Variants in SMIM12 observed in about 807,000 individuals in gnomAD.
SMIM12 encodes small integral membrane protein 12.
Under a neutral mutation model 6.3 loss-of-function variants are expected in SMIM12, and 5 were observed. The observed-to-expected ratio is 0.80, with a 90% CI of 0.42 to 1.68. The LOEUF (loss-of-function observed/expected upper bound fraction) is 1.68, where lower values mean the gene tolerates loss of function less well. Ranked by LOEUF, SMIM12 falls within the 40% of genes most tolerant of loss-of-function variation. The pLI is 0.02. For synonymous variants in SMIM12, 51 were observed against 48.0 expected (o/e 1.06, Z -0.26); for missense variants, 103 against 121.4 (o/e 0.85, Z 0.71).
chr1:34,858,623 T>C (rs1638725274), intron 1 of SMIM12: 1 of 152,198 alleles, frequency 6.6e-6, no homozygotes, highest in Admixed American at 6.5e-5. Context: ...AAGTCCTCTG[T>C]ATAAGTAAAT....
intron 1 of SMIM12, 100 bp from the exon 2 acceptor site, chr1:34,856,082 A>ATT (rs1638644896): frequency 8.6e-7 from 1 of 1,167,568 alleles, no homozygotes; most frequent in Non-Finnish European, 1.1e-6. Flanking sequence ...AGCCTGGCAC[A>ATT]ATTTTTTTTT....
At chr1:34,858,373 G>A (rs1638717355) in intron 1 of SMIM12, 1 of 152,202 alleles carries the variant, frequency 6.6e-6, no homozygotes, top group Non-Finnish European at 1.5e-5. Context: ...ACTCTTTCTA[G>A]TGGGAAGAAC....
rs1343860916 is a variant in SMIM12 at position 34,855,808 on chromosome 1, T to C, written c.170A>G (p.Lys57Arg). The C allele has an allele frequency of 1.5e-5, 23 of 1,554,074 alleles. No homozygotes were observed. Among genetic ancestry groups the C allele is most frequent in the Non-Finnish European group, 1.7e-5 (20 of 1,148,254 alleles). Residue 57 changes from lysine (K) to arginine (R), a missense_variant, in exon 2 of 2, where the codon AAG becomes AGG. By Grantham distance (26) the Lys-to-Arg change is conservative (BLOSUM62 2). Transcript: ENST00000521580. ...KSISERREDR[K>R]LDELLGKDHT... ...GTCCTTGCCTAGAAGCTCATCCAGCTTGCGATCCTCCCGGCGCTCTGAGAT... is the reference window on the plus strand; with the variant it reads ...GTCCTTGCCTAGAAGCTCATCCAGCCTGCGATCCTCCCGGCGCTCTGAGAT...
At position 34,859,680 on chromosome 1, in the gene SMIM12, C is replaced by G. The variant is rs532428988; in HGVS notation, c.-9G>C. ...CTCGCCGGGACCGCGCGCTCACCTGCGGCCCAGCCCACACTCCCCAGTGCG... is the reference window on the plus strand; with the variant it reads ...CTCGCCGGGACCGCGCGCTCACCTGGGGCCCAGCCCACACTCCCCAGTGCG... On this transcript the variant is annotated 5_prime_UTR_variant, in exon 1 of 2. Coordinates refer to ENST00000521580, the MANE Select transcript of SMIM12 (RefSeq NM_138428.6). 1 of 152,578 alleles carries G rather than the reference C, an allele frequency of 6.6e-6. No individual in the cohort carries two copies. The highest frequency in any genetic ancestry group is 6.5e-5 in the Admixed American group (1 of 15,308). 9.5% of individuals were successfully genotyped at this position (152,578 alleles called of 1,614,324 possible). A position where few individuals can be genotyped will look rare whatever the true frequency, so the allele number is the denominator to read the frequency against.
intron 1 of SMIM12, chr1:34,858,177 TATG>T (rs1248161916): frequency 6.6e-6 from 1 of 151,422 alleles, no homozygotes; most frequent in Admixed American, 6.5e-5. Context: ...CACCAGGCAC[TATG>T]ATGACAATTT....
chr1:34,859,726 C>T lies in SMIM12; in HGVS notation c.-55G>A, dbSNP rs2295635. On this transcript the variant is annotated 5_prime_UTR_variant, in exon 1 of 2. Coordinates refer to ENST00000521580, the MANE Select transcript of SMIM12 (RefSeq NM_138428.6). ...GTGCGGCCCCCGCTCTCCGCCCGCT[C>T]GCCGGGAGCACGGAAGTCGCCGCAC... 6.6e-6 allele frequency: 1 copy of T among 152,420 alleles called. No individual in the cohort carries two copies. The highest frequency in any genetic ancestry group is 2.1e-4 in the South Asian group (1 of 4,836). 9.4% of individuals were successfully genotyped at this position (152,420 alleles called of 1,614,324 possible). A position where few individuals can be genotyped will look rare whatever the true frequency, so the allele number is the denominator to read the frequency against.
rs1391624049 is a variant in SMIM12, at chr1:34,855,787, T to C, written c.191A>G (p.Lys64Arg). ...EDRKLDELLG[K>R]DHTQVVSLKD... is the part of the protein sequence containing the mutation. ...AAGGCTCACCACCTGCGTGTGGTCC[T>C]TGCCTAGAAGCTCATCCAGCTTGCG... The change falls in exon 2 of 2, where the codon AAG (lysine) becomes AGG (arginine). Residue 64 changes from lysine to arginine, a missense_variant. Coordinates refer to ENST00000521580, the MANE Select transcript of SMIM12 (RefSeq NM_138428.6). 1 of 1,560,578 alleles carries C rather than the reference T, an allele frequency of 6.4e-7. No individual in the cohort carries two copies. Among genetic ancestry groups the C allele is most frequent in the Non-Finnish European group, 8.7e-7 (1 of 1,151,820 alleles).
rs762057355 is a variant in SMIM12, at chr1:34,855,067, A to C, written c.*632T>G. ...CATTATGGTTCTCAGATACCACTTT[A>C]ATCAGGTTTTTCACTATACAGTGAT... On this transcript the variant is annotated 3_prime_UTR_variant, in exon 2 of 2. Transcript: ENST00000521580. 1.6e-6 allele frequency: 2 copies of C among 1,276,116 alleles called. No homozygotes were observed. Among genetic ancestry groups the C allele is most frequent in the Admixed American group, 5.3e-5 (2 of 37,708 alleles). The allele number at this position is 1,276,116 out of a possible 1,614,324, so 79.0% of individuals were successfully genotyped here. A position where few individuals can be genotyped will look rare whatever the true frequency, so the allele number is the denominator to read the frequency against.
At chr1:34,859,602 G>A (rs986399721) in intron 1 of SMIM12, 75 bp downstream of exon 1, 1 of 152,342 alleles carries the variant, frequency 6.6e-6, no homozygotes, top group Non-Finnish European at 1.5e-5. Context: ...GTGGACCCTA[G>A]CGATCACTCC....
At position 34,852,668 on chromosome 1, in the gene SMIM12, A is replaced by ATTTTT. The variant is rs34783175; in HGVS notation, c.*3026_*3030dup. ...AACCCTGAATTTCTAGCATCTCTTCATTTTTTTTTTTTTACCCCCTCTGGA... is the reference window on the plus strand; with the variant it reads ...AACCCTGAATTTCTAGCATCTCTTCATTTTTTTTTTTTTTTTTTACCCCCTCTGGA... On this transcript the variant is annotated 3_prime_UTR_variant, in exon 2 of 2. Coordinates refer to ENST00000521580, the MANE Select transcript of SMIM12 (RefSeq NM_138428.6). 3.5e-3 allele frequency: 514 copies of ATTTTT among 148,256 alleles called. 2 individuals are homozygous for ATTTTT. Among genetic ancestry groups the ATTTTT allele is most frequent in the African/African-American group, 0.012 (485 of 40,384 alleles). 9.2% of individuals were successfully genotyped at this position (148,256 alleles called of 1,614,324 possible). A position where few individuals can be genotyped will look rare whatever the true frequency, so the allele number is the denominator to read the frequency against.
intron 1 of SMIM12, chr1:34,858,571 C>T (rs1378397707): frequency 6.6e-6 from 1 of 152,178 alleles, no homozygotes; most frequent in Non-Finnish European, 1.5e-5. Flanking sequence ...TCTGAAGAAT[C>T]CCAAACCTAA....
Position 34,854,528 on chromosome 1 carries a change from T to C in SMIM12, c.*1171A>G, listed in dbSNP as rs911065053. 2.6e-5 allele frequency: 4 copies of C among 152,006 alleles called. No individual in the cohort carries two copies. Among genetic ancestry groups the C allele is most frequent in the African/African-American group, 7.3e-5 (3 of 41,292 alleles). The allele number at this position is 152,006 out of a possible 1,614,324, so 9.4% of individuals were successfully genotyped here. On this transcript the variant is annotated 3_prime_UTR_variant, in exon 2 of 2. Coordinates refer to ENST00000521580, the MANE Select transcript of SMIM12 (RefSeq NM_138428.6). Reference sequence around the variant, plus strand: ...TCAAGGTTGCACTGAGCCGTAATTGTACTGCACTCCAGCCTGTGTGACAGA... The same window carrying C: ...TCAAGGTTGCACTGAGCCGTAATTGCACTGCACTCCAGCCTGTGTGACAGA...
intron 1 of SMIM12, chr1:34,857,265 C>CGGGGA (rs1638684525): frequency 2.1e-5 from 1 of 47,490 alleles, no homozygotes; most frequent in Non-Finnish European, 4.1e-5. Context: ...TGGGGTGGGG[C>CGGGGA]GGGGAGCGGA....
At chr1:34,856,850 C>G (rs1433194756) in intron 1 of SMIM12, 3 of 152,142 alleles carry the variant, frequency 2.0e-5, no homozygotes, top group Non-Finnish European at 2.9e-5. Flanking sequence ...CTGAACCTGG[C>G]TTTTCTAACA....
rs993411450 is a variant in SMIM12, at chr1:34,852,451, T to C, written c.*3248A>G. ...TCTGGGATCTAATATTTGTAACAAG[T>C]TGTTAGATCGCCAAAAAAAAAAAAA... is the stretch of plus-strand genomic sequence containing the variant. On this transcript the variant is annotated 3_prime_UTR_variant, in exon 2 of 2. Coordinates refer to ENST00000521580, the MANE Select transcript of SMIM12 (RefSeq NM_138428.6). 4.6e-5 allele frequency among the ~76,000 whole-genome samples: 6 copies of C among 129,962 alleles called. No homozygotes were observed. Among genetic ancestry groups the C allele is most frequent in the African/African-American group, 9.1e-5 (3 of 32,986 alleles). The allele number at this position is 129,962 out of a possible 152,430, so 85.3% of individuals were successfully genotyped here. A position where few individuals can be genotyped will look rare whatever the true frequency, so the allele number is the denominator to read the frequency against.
rs1340254027 is a variant in SMIM12, at chr1:34,853,669, G to A, written c.*2030C>T. ...ATAAACTTATGTCATACTCCCACTT[G>A]ATAGACAATTATGTTGCTATTATAA... On this transcript the variant is annotated 3_prime_UTR_variant, in exon 2 of 2. Transcript: ENST00000521580. 1 of 152,192 alleles carries A rather than the reference G, an allele frequency of 6.6e-6. No individual in the cohort carries two copies. Among genetic ancestry groups the A allele is most frequent in the Non-Finnish European group, 1.5e-5 (1 of 68,034 alleles). 9.4% of individuals were successfully genotyped at this position (152,192 alleles called of 1,614,324 possible).
intron 1 of SMIM12, among the ~76,000 whole-genome samples, chr1:34,856,234 A>G (rs1467081514): frequency 2.0e-5 from 3 of 151,734 alleles, no homozygotes; most frequent in Non-Finnish European, 4.4e-5. Context: ...TAATTTCTGT[A>G]TTTTTTTAGT....
At chr1:34,856,144 G>A (rs1638646888) in intron 1 of SMIM12, among the ~76,000 whole-genome samples, 162 bp from the exon 2 acceptor site, 2 of 148,610 alleles carry the variant, frequency 1.3e-5, no homozygotes, top group African/African-American at 2.5e-5. Flanking sequence ...GCAGTGGCAC[G>A]ATCTCAGCTC....
intron 1 of SMIM12, chr1:34,858,708 A>C (rs932756219): frequency 6.6e-6 from 1 of 152,206 alleles, no homozygotes; most frequent in Non-Finnish European, 1.5e-5. Flanking sequence ...GTTCACAACT[A>C]TCTCTCACAT....
Sources: allele counts gnomAD v4.1 joint callset (sites outside exome capture counted in the v4.1 genomes callset), GRCh38; gene constraint gnomAD v4.1.1; transcripts MANE v1.5; gene names NCBI Gene and HGNC (gene_info 2026-07-23, HGNC 2026-07-21).